The following CEPT1 variants were observed in gnomAD, a reference collection of about 807,000 sequenced individuals.
The protein encoded by CEPT1 is choline/ethanolamine phosphotransferase 1, also known as choline/ethanolaminephosphotransferase 1.
Under a neutral mutation model 42.6 loss-of-function variants are expected in CEPT1, and 7 were observed. That is an observed-to-expected ratio of 0.16 (90% CI 0.09 to 0.31). The LOEUF (loss-of-function observed/expected upper bound fraction) is 0.31, where lower values mean the gene tolerates loss of function less well. CEPT1 is among the 10% of genes least tolerant of loss of function. The pLI is 1.00. For missense variants in CEPT1, 306 were observed against 502.1 expected, an observed-to-expected ratio of 0.61 and a Z score of 3.73; for synonymous variants, 171 against 171.9, an observed-to-expected ratio of 0.99 and a Z score of 0.04.
chr1:111,149,494 C>G (rs1449330687), intron 2 of CEPT1, among the ~76,000 whole-genome samples: 3 of 152,104 alleles, frequency 2.0e-5, no homozygotes, highest in African/African-American at 7.2e-5. Flanking sequence ...AATTCCTGAC[C>G]TCAGGTGATC....
chr1:111,156,816 T>A (rs1205618213), intron 2 of CEPT1, among the ~76,000 whole-genome samples: 1 of 152,236 alleles, frequency 6.6e-6, no homozygotes, highest in African/African-American at 2.4e-5. Flanking sequence ...TGTAAAATCT[T>A]CAGTTCTGTT....
At chr1:111,158,902 CTTTTTTTTT>C (rs149230078) in intron 2 of CEPT1, among the ~76,000 whole-genome samples, 14 of 55,456 alleles carry the variant, frequency 2.5e-4, no homozygotes, top group South Asian at 7.4e-4. Context: ...TTTTACAATT[CTTTTTTTTT>C]TTTTTTTTTT....
intron 4 of CEPT1, among the ~76,000 whole-genome samples, chr1:111,162,655 G>A (rs1399416643): frequency 1.3e-5 from 2 of 152,206 alleles, no homozygotes; most frequent in Admixed American, 1.3e-4. Flanking sequence ...GAGGCGTACT[G>A]GAATATAAAG....
chr1:111,163,237 T>G (rs1655963253), intron 4 of CEPT1, among the ~76,000 whole-genome samples: 1 of 152,234 alleles, frequency 6.6e-6, no homozygotes, highest in Non-Finnish European at 1.5e-5. Flanking sequence ...GGATTAGTTT[T>G]AATTTGGGAA....
intron 5 of CEPT1, chr1:111,180,281 T>G (rs1278591442): frequency 6.6e-6 from 1 of 152,002 alleles, no homozygotes; most frequent in Non-Finnish European, 1.5e-5. Context: ...AGATCTTTTG[T>G]CTCTATGGAG....
intron 4 of CEPT1, chr1:111,167,269 A>G: frequency 1.0e-6 from 1 of 985,052 alleles, no homozygotes; most frequent in Non-Finnish European, 1.2e-6. Context: ...CATGCACAGA[A>G]TAATTAAAAC....
intron 2 of CEPT1, among the ~76,000 whole-genome samples, chr1:111,154,198 T>TAAA (rs1655437605): frequency 5.2e-4 from 14 of 26,700 alleles, no homozygotes; most frequent in Non-Finnish European, 9.4e-4. Flanking sequence ...TATTTTATTT[T>TAAA]ATTTTATTTT....
upstream of CEPT1, chr1:111,139,918 A>T (rs913962489): frequency 3.5e-4 from 53 of 152,442 alleles, no homozygotes; most frequent in African/African-American, 1.2e-3. Context: ...GACGCGGGTA[A>T]GGGGGCTCCA....
intron 5 of CEPT1, among the ~76,000 whole-genome samples, chr1:111,176,149 A>G (rs1571152639): frequency 6.6e-6 from 1 of 152,202 alleles, no homozygotes; most frequent in Non-Finnish European, 1.5e-5. Flanking sequence ...AATAATCCAC[A>G]GTCAACTGGG....
intron 6 of CEPT1, chr1:111,182,586 G>T: frequency 1.8e-6 from 1 of 570,458 alleles, no homozygotes. Context: ...AAATAAGCCT[G>T]GTCTCTTAAG....
At chr1:111,183,311 C>T (rs749602113) in intron 7 of CEPT1, 151 bp from the exon 8 acceptor site, 18 of 823,944 alleles carry the variant, frequency 2.2e-5, no homozygotes, top group Non-Finnish European at 3.2e-5. Flanking sequence ...TTCTCAGACG[C>T]ATTTCATATT....
At chr1:111,152,636 C>T (rs983760499) in intron 2 of CEPT1, among the ~76,000 whole-genome samples, 1 of 152,064 alleles carries the variant, frequency 6.6e-6, no homozygotes, top group Non-Finnish European at 1.5e-5. Flanking sequence ...ATAATAAAGA[C>T]TAAATTCAGG....
intron 4 of CEPT1, among the ~76,000 whole-genome samples, chr1:111,168,747 T>A (rs75916277): frequency 0.023 from 3,549 of 152,298 alleles, 142 homozygotes; most frequent in African/African-American, 0.08. Flanking sequence ...CTGGCTGAGT[T>A]CTTTCTGAAA....
At chr1:111,150,697 A>G (rs1031985523) in intron 2 of CEPT1, among the ~76,000 whole-genome samples, 5 of 152,198 alleles carry the variant, frequency 3.3e-5, no homozygotes, top group Non-Finnish European at 5.9e-5. Flanking sequence ...GTAGAAAGGA[A>G]GGTCATTATT....
intron 2 of CEPT1, among the ~76,000 whole-genome samples, chr1:111,154,558 G>A (rs1655458733): frequency 6.6e-6 from 1 of 152,098 alleles, no homozygotes; most frequent in Admixed American, 6.6e-5. Flanking sequence ...ATCCTTGTCT[G>A]GTTCTAGTTC....
chr1:111,170,420 A>T (rs1196312418), intron 4 of CEPT1, among the ~76,000 whole-genome samples: 1 of 152,188 alleles, frequency 6.6e-6, no homozygotes, highest in Admixed American at 6.5e-5. Flanking sequence ...AATTTCAAAA[A>T]TAGACTTGTC....
At chr1:111,156,590 G>A (rs1655587256) in intron 2 of CEPT1, among the ~76,000 whole-genome samples, 1 of 152,142 alleles carries the variant, frequency 6.6e-6, no homozygotes, top group Admixed American at 6.5e-5. Flanking sequence ...ATCTTATAAT[G>A]TTTTAAGAAA....
chr1:111,141,488 T>C (rs575481931), intron 1 of CEPT1, among the ~76,000 whole-genome samples: 2 of 152,368 alleles, frequency 1.3e-5, no homozygotes, highest in Admixed American at 1.3e-4. Flanking sequence ...GATTTGTTTT[T>C]TAAGCTGGTT....
Position 111,141,268 on chromosome 1 carries a change from A to G in CEPT1, c.-74+961A>G, listed in dbSNP as rs77212242. 8.7e-3 allele frequency among the ~76,000 whole-genome samples: 1,324 copies of G among 152,324 alleles called. 46 individuals are homozygous for G. Among genetic ancestry groups the G allele is most frequent in the East Asian group, 0.063 (327 of 5,184 alleles). ...CTTTGGTAAGGGCATTTAGAGCATT[A>G]CTAATTTAGAGCCATTGCCATTCAC... On this transcript the variant is annotated intron_variant, in intron 1 of 8. Coordinates refer to ENST00000357172, the MANE Select transcript of CEPT1 (RefSeq NM_006090.5).
Sources: gnomAD v4.1 joint callset for allele counts (sites outside exome capture counted in the v4.1 genomes callset) on GRCh38, gnomAD v4.1.1 for gene constraint, MANE v1.5 for transcripts, NCBI Gene and HGNC (gene_info 2026-07-23, HGNC 2026-07-21) for gene names.